Variants in DCT observed in about 807,000 individuals in gnomAD.
DCT encodes L-dopachrome tautomerase.
In DCT, 47 loss-of-function variants were observed where a neutral mutation model predicts 53.0. The observed-to-expected ratio is 0.89, with a 90% CI of 0.70 to 1.13. The LOEUF (loss-of-function observed/expected upper bound fraction) is 1.13, where lower values mean the gene tolerates loss of function less well. Among genes scored for constraint, DCT ranks in the 50% most tolerant of loss-of-function variants. The pLI, the probability that DCT is intolerant of heterozygous loss-of-function variation, is 0.00. For synonymous variants in DCT, 244 were observed against 237.0 expected, an observed-to-expected ratio of 1.03 and a Z score of -0.27; for missense variants, 669 against 637.4, an observed-to-expected ratio of 1.05 and a Z score of -0.53.
At chr13:94,459,124 C>T (rs764913405) in intron 6 of DCT, among the ~76,000 whole-genome samples, 2 of 152,090 alleles carry the variant, frequency 1.3e-5, no homozygotes, top group Non-Finnish European at 2.9e-5. Context: ...AGTGATCCTC[C>T]CACCTCAGCC....
the DCT span, among the ~76,000 whole-genome samples, chr13:94,495,667 C>T: frequency 6.6e-6 from 1 of 152,160 alleles, no homozygotes; most frequent in African/African-American, 2.4e-5. Flanking sequence ...ACTAATATTA[C>T]AATATTTCTA....
the DCT span, among the ~76,000 whole-genome samples, chr13:94,547,984 A>AAAATATATAT: frequency 3.8e-4 from 25 of 65,816 alleles, no homozygotes; most frequent in African/African-American, 1.8e-3. Flanking sequence ...AAAAAAAAAA[A>AAAATATATAT]ATATATATAT....
At chr13:94,492,030 C>T in the DCT span, among the ~76,000 whole-genome samples, 1 of 152,172 alleles carries the variant, frequency 6.6e-6, no homozygotes, top group African/African-American at 2.4e-5. Context: ...GTGCTCTTTT[C>T]TCTCACTGGA....
chr13:94,465,393 C>T, intron 4 of DCT: 1 of 317,532 alleles, frequency 3.1e-6, no homozygotes. Flanking sequence ...ATAAAACTAA[C>T]CTGATCTCAA....
At chr13:94,443,352 G>T (rs1394343602) in intron 7 of DCT, 84 bp downstream of exon 7, 7 of 1,141,340 alleles carry the variant, frequency 6.1e-6, no homozygotes, top group Admixed American at 3.7e-5. Flanking sequence ...AAAGGTCTTG[G>T]TTTACATTAT....
intron 7 of DCT, 143 bp downstream of exon 7, chr13:94,443,293 A>G: frequency 1.5e-6 from 1 of 649,466 alleles, no homozygotes; most frequent in Middle Eastern, 3.1e-4. Context: ...AAATACGTAT[A>G]TGCTAGAAAA....
At chr13:94,469,317 C>G (rs142428126) in intron 1 of DCT, among the ~76,000 whole-genome samples, 11 of 152,268 alleles carry the variant, frequency 7.2e-5, no homozygotes, top group Non-Finnish European at 1.5e-4. Flanking sequence ...TCCCCGAAGT[C>G]CTAGCCCCAG....
chr13:94,478,671 C>A (rs74103938), intron 1 of DCT, among the ~76,000 whole-genome samples: 8,971 of 152,314 alleles, frequency 0.059, 877 homozygotes, highest in African/African-American at 0.2. Flanking sequence ...CGCTTTTAAG[C>A]TCTTAAATTC....
the DCT span, among the ~76,000 whole-genome samples, chr13:94,542,031 C>A: frequency 6.6e-6 from 1 of 152,138 alleles, no homozygotes; most frequent in Non-Finnish European, 1.5e-5. Context: ...AGTCTACTTG[C>A]CTATCAAATT....
chr13:94,493,630 T>C, the DCT span, among the ~76,000 whole-genome samples: 1 of 152,188 alleles, frequency 6.6e-6, no homozygotes, highest in African/African-American at 2.4e-5. Context: ...AAATGTATAT[T>C]GCTAAGTCTG....
chr13:94,460,343 C>G (rs140513461), intron 5 of DCT, 117 bp from the exon 6 acceptor site: 36 of 906,960 alleles, frequency 4.0e-5, no homozygotes, highest in Non-Finnish European at 6.0e-5. Context: ...ATATGGGAAG[C>G]TCTGTCATAG....
intron 1 of DCT, among the ~76,000 whole-genome samples, chr13:94,474,853 A>C (rs997205909): frequency 2.0e-5 from 3 of 152,232 alleles, no homozygotes; most frequent in African/African-American, 7.2e-5. Context: ...TATTAGGCTG[A>C]AATTACTTTA....
intron 7 of DCT, among the ~76,000 whole-genome samples, chr13:94,441,957 C>T (rs1404756272): frequency 6.6e-6 from 1 of 152,106 alleles, no homozygotes; most frequent in Non-Finnish European, 1.5e-5. Flanking sequence ...TTTACATTCC[C>T]ACCAGCAATG....
chr13:94,446,835 T>C (rs1882767008), intron 6 of DCT, among the ~76,000 whole-genome samples: 1 of 152,208 alleles, frequency 6.6e-6, no homozygotes, highest in African/African-American at 2.4e-5. Flanking sequence ...TCTCCCTGTG[T>C]GCAGGTGCCT....
the DCT span, among the ~76,000 whole-genome samples, chr13:94,523,799 T>G: frequency 6.6e-6 from 1 of 151,894 alleles, no homozygotes; most frequent in Non-Finnish European, 1.5e-5. Flanking sequence ...TTTCTGAAAA[T>G]GTATACAATA....
At chr13:94,476,632 C>T (rs1257006120) in intron 1 of DCT, among the ~76,000 whole-genome samples, 1 of 151,956 alleles carries the variant, frequency 6.6e-6, no homozygotes, top group African/African-American at 2.4e-5. Context: ...CCCATCACCA[C>T]ACCTCGCTAA....
chr13:94,511,976 A>G, the DCT span, among the ~76,000 whole-genome samples: 4 of 151,222 alleles, frequency 2.6e-5, no homozygotes, highest in Admixed American at 2.0e-4. Flanking sequence ...CAATACTTCC[A>G]CCTCCACCTC....
chr13:94,509,756 A>G, the DCT span, among the ~76,000 whole-genome samples: 1 of 152,184 alleles, frequency 6.6e-6, no homozygotes, highest in South Asian at 2.1e-4. Context: ...TGCTGTGAGA[A>G]TCAAGTGAGA....
At chr13:94,539,083 C>T in the DCT span, among the ~76,000 whole-genome samples, 1 of 152,170 alleles carries the variant, frequency 6.6e-6, no homozygotes. Context: ...TGACTTTTCA[C>T]AAAATTCTTA....
Sources: allele counts gnomAD v4.1 joint callset (sites outside exome capture counted in the v4.1 genomes callset), GRCh38; gene constraint gnomAD v4.1.1; transcripts MANE v1.5; gene names NCBI Gene and HGNC (gene_info 2026-07-23, HGNC 2026-07-21).